Variants in GABRB1 observed in about 807,000 individuals in gnomAD.
GABRB1 encodes gamma-aminobutyric acid receptor subunit beta-1.
GABRB1 carries 17 observed loss-of-function variants against 51.6 expected under a neutral mutation model. That is an observed-to-expected ratio of 0.33 (90% confidence interval 0.23 to 0.49). The LOEUF is 0.49. Ranked by LOEUF, GABRB1 falls within the 20% of genes least tolerant of loss-of-function variation. The probability of loss-of-function intolerance (pLI) is 0.99; values close to 1 mark genes in which losing one functional copy is unlikely to be tolerated. For synonymous variants in GABRB1, 247 were observed against 218.9 expected, an observed-to-expected ratio of 1.13 and a Z score of -1.14; for missense variants, 410 against 600.6, an observed-to-expected ratio of 0.68 and a Z score of 3.32.
intron 3 of GABRB1, among the ~76,000 whole-genome samples, chr4:47,111,872 G>A (rs1056519305): frequency 4.6e-5 from 7 of 151,704 alleles, no homozygotes; most frequent in African/African-American, 1.5e-4. Context: ...TGCAACAATC[G>A]TAATGTATAA....
At chr4:47,167,856 G>A (rs907870107) in intron 4 of GABRB1, among the ~76,000 whole-genome samples, 6 of 152,092 alleles carry the variant, frequency 3.9e-5, no homozygotes, top group Non-Finnish European at 7.4e-5. Flanking sequence ...GCTCCCTAGG[G>A]AATCTTGGAT....
At chr4:47,094,931 A>G (rs542387531) in intron 3 of GABRB1, among the ~76,000 whole-genome samples, 1 of 152,262 alleles carries the variant, frequency 6.6e-6, no homozygotes, top group Admixed American at 6.5e-5. Context: ...CTGGTAAAGT[A>G]TACCTGCTAG....
intron 5 of GABRB1, among the ~76,000 whole-genome samples, chr4:47,349,217 G>A (rs76378559): frequency 1.9e-3 from 296 of 152,250 alleles, no homozygotes; most frequent in African/African-American, 6.9e-3. Flanking sequence ...ATAGCTATCA[G>A]CATGGGTGAG....
chr4:47,000,623 T>G (rs1225119180), intron 1 of GABRB1, among the ~76,000 whole-genome samples: 1 of 152,200 alleles, frequency 6.6e-6, no homozygotes, highest in Non-Finnish European at 1.5e-5. Flanking sequence ...TTGACTGAGC[T>G]GGGCATTGAA....
chr4:47,020,306 G>T (rs1415881028), intron 1 of GABRB1, among the ~76,000 whole-genome samples: 1 of 152,050 alleles, frequency 6.6e-6, no homozygotes, highest in Non-Finnish European at 1.5e-5. Flanking sequence ...TTCAAGGATA[G>T]GTCTTCAACT....
rs34532575 is a variant in GABRB1 at position 47,024,933 on chromosome 4, C to CATATATATAT, written c.-19-6972_-19-6963dup. Among the ~76,000 whole-genome samples, 378 of 86,182 alleles carry CATATATATAT rather than the reference C, an allele frequency of 4.4e-3. 51 individuals are homozygous for CATATATATAT. Among genetic ancestry groups the CATATATATAT allele is most frequent in the African/African-American group, 0.015 (305 of 20,106 alleles). The allele number at this position is 86,182 out of a possible 152,430, so 56.5% of individuals were successfully genotyped here. A position where few individuals can be genotyped will look rare whatever the true frequency, so the allele number is the denominator to read the frequency against. On this transcript the variant is annotated intron_variant, in intron 1 of 3. Transcript: ENST00000513567. ...TTTTTATGGCTGGGTAGTATTCCAT[C>CATATATATAT]ATATATATATATATATATGTTATTT...
chr4:47,388,127 G>A (rs558267673), intron 5 of GABRB1, among the ~76,000 whole-genome samples: 1 of 152,004 alleles, frequency 6.6e-6, no homozygotes, highest in Non-Finnish European at 1.5e-5. Flanking sequence ...AATACATAAA[G>A]AATATTACAA....
At chr4:47,299,888 C>T (rs1319729518) in intron 4 of GABRB1, among the ~76,000 whole-genome samples, 2 of 151,918 alleles carry the variant, frequency 1.3e-5, no homozygotes, top group East Asian at 1.9e-4. Context: ...GGCACATATA[C>T]ACCACGGAAT....
chr4:47,299,136 CT>C (rs1268075086), intron 4 of GABRB1, among the ~76,000 whole-genome samples: 1 of 151,960 alleles, frequency 6.6e-6, no homozygotes, highest in East Asian at 1.9e-4. Context: ...CATAAAAACC[CT>C]AGAAGAAAAC....
At chr4:47,294,600 G>T (rs112371164) in intron 4 of GABRB1, among the ~76,000 whole-genome samples, 1 of 152,224 alleles carries the variant, frequency 6.6e-6, no homozygotes, top group Non-Finnish European at 1.5e-5. Context: ...CAAAGCAGCC[G>T]GGAAGCTCGA....
At chr4:47,159,877 A>G (rs1284458146) in intron 3 of GABRB1, among the ~76,000 whole-genome samples, 1 of 152,066 alleles carries the variant, frequency 6.6e-6, no homozygotes, top group Non-Finnish European at 1.5e-5. Context: ...CAGGAGGTAC[A>G]TAGTGTGTTC....
chr4:47,269,253 GAAACCCTCTAATCAC>G (rs1267654423), intron 4 of GABRB1, among the ~76,000 whole-genome samples: 1 of 152,168 alleles, frequency 6.6e-6, no homozygotes, highest in Non-Finnish European at 1.5e-5. Flanking sequence ...TGGCAAGGCT[GAAACCCTCTAATCAC>G]AAACCCTTTC....
intron 3 of GABRB1, among the ~76,000 whole-genome samples, chr4:47,067,741 TTTTA>T (rs1317271179): frequency 6.6e-6 from 1 of 152,136 alleles, no homozygotes; most frequent in Non-Finnish European, 1.5e-5. Context: ...TCCTTTCAAC[TTTTA>T]TTTAAGTTCT....
intron 3 of GABRB1, among the ~76,000 whole-genome samples, chr4:47,051,814 G>A (rs954714761): frequency 2.0e-5 from 3 of 152,162 alleles, no homozygotes; most frequent in African/African-American, 7.2e-5. Context: ...AAGAAAGTCA[G>A]CCGACTAGTA....
At chr4:47,297,418 A>C (rs1724049224) in intron 4 of GABRB1, among the ~76,000 whole-genome samples, 2 of 151,566 alleles carry the variant, frequency 1.3e-5, no homozygotes, top group South Asian at 4.2e-4. Flanking sequence ...AAAAATGATA[A>C]AGGGGATATC....
intron 4 of GABRB1, among the ~76,000 whole-genome samples, chr4:47,208,004 C>CA (rs564919711): frequency 2.2e-4 from 33 of 149,456 alleles, no homozygotes; most frequent in Middle Eastern, 3.5e-3. Context: ...TGACTAATGA[C>CA]AAAAAAAAAT....
At chr4:47,246,378 A>ATG (rs1721758945) in intron 4 of GABRB1, among the ~76,000 whole-genome samples, 1 of 48,626 alleles carries the variant, frequency 2.1e-5, no homozygotes, top group African/African-American at 1.2e-4. Context: ...ATATATATAT[A>ATG]TATATATATA....
chr4:47,242,590 G>A (rs1003259828), intron 4 of GABRB1, among the ~76,000 whole-genome samples: 40 of 152,310 alleles, frequency 2.6e-4, no homozygotes, highest in African/African-American at 8.2e-4. Flanking sequence ...TAACTGGTAT[G>A]AGATGGTATC....
intron 4 of GABRB1, among the ~76,000 whole-genome samples, chr4:47,247,159 T>C (rs1721795862): frequency 6.6e-6 from 1 of 152,190 alleles, no homozygotes; most frequent in Non-Finnish European, 1.5e-5. Context: ...GTTTCAGATC[T>C]TAGATTTAAG....
Sources: gnomAD v4.1 joint callset for allele counts (sites outside exome capture counted in the v4.1 genomes callset) on GRCh38, gnomAD v4.1.1 for gene constraint, MANE v1.5 for transcripts, NCBI Gene and HGNC (gene_info 2026-07-23, HGNC 2026-07-21) for gene names.